LHCGR: variants seen among roughly 807,000 people sequenced by gnomAD.
The protein encoded by LHCGR is luteinizing hormone/choriogonadotropin receptor.
A neutral mutation model predicts 60.7 loss-of-function variants in LHCGR; 55 were observed. The observed-to-expected ratio is 0.91, with a 90% CI of 0.73 to 1.13. The LOEUF (loss-of-function observed/expected upper bound fraction) is 1.13, where lower values mean the gene tolerates loss of function less well. Ranked by LOEUF, LHCGR falls within the 50% of genes most tolerant of loss-of-function variation. The pLI, the probability that LHCGR is intolerant of heterozygous loss-of-function variation, is 0.00. For missense variants in LHCGR, 862 were observed against 836.0 expected (o/e 1.03, Z -0.38); for synonymous variants, 337 against 316.5 (o/e 1.06, Z -0.69).
intron 10 of LHCGR, among the ~76,000 whole-genome samples, chr2:48,693,044 C>G (rs936579092): frequency 6.6e-6 from 1 of 152,052 alleles, no homozygotes; most frequent in African/African-American, 2.4e-5. Flanking sequence ...TCAAACCACT[C>G]CTTGGTGCTA....
chr2:48,708,796 G>T, intron 8 of LHCGR, 152 bp downstream of exon 8: 1 of 745,516 alleles, frequency 1.3e-6, no homozygotes, highest in Non-Finnish European at 2.5e-6. Flanking sequence ...TATTATGGCA[G>T]CTGTGATACA....
At chr2:48,730,143 G>A (rs1386119998) in intron 2 of LHCGR, among the ~76,000 whole-genome samples, 1 of 152,216 alleles carries the variant, frequency 6.6e-6, no homozygotes, top group Non-Finnish European at 1.5e-5. Context: ...ACTGATGAGA[G>A]CATTAGCCCA....
intron 8 of LHCGR, among the ~76,000 whole-genome samples, chr2:48,704,501 T>C (rs1215216796): frequency 6.6e-6 from 1 of 152,252 alleles, no homozygotes; most frequent in African/African-American, 2.4e-5. Context: ...AGAATTCAGC[T>C]GTGAATCTGC....
chr2:48,748,657 G>A (rs1230326758), intron 1 of LHCGR, among the ~76,000 whole-genome samples: 2 of 152,188 alleles, frequency 1.3e-5, no homozygotes, highest in Non-Finnish European at 2.9e-5. Flanking sequence ...CATATGGGCT[G>A]TGGGTTTTTT....
At chr2:48,746,359 G>T (rs891497667) in intron 1 of LHCGR, among the ~76,000 whole-genome samples, 5 of 152,198 alleles carry the variant, frequency 3.3e-5, no homozygotes, top group South Asian at 2.1e-4. Flanking sequence ...ACTCTCAATT[G>T]GTATCTTTCT....
intron 8 of LHCGR, chr2:48,708,736 A>G (rs1322200861): frequency 9.8e-6 from 6 of 609,294 alleles, no homozygotes; most frequent in Non-Finnish European, 1.8e-5. Context: ...TAGCTTCCAG[A>G]ACCATAAGAC....
At chr2:48,704,758 C>T (rs1273061088) in intron 8 of LHCGR, among the ~76,000 whole-genome samples, 5 of 151,814 alleles carry the variant, frequency 3.3e-5, no homozygotes, top group South Asian at 2.1e-4. Context: ...TTTTTTATTG[C>T]GTCTATTTGA....
chr2:48,752,997 T>TGGGGGGGGG (rs1558909396), intron 1 of LHCGR, among the ~76,000 whole-genome samples: 6 of 18,432 alleles, frequency 3.3e-4, no homozygotes, highest in African/African-American at 1.8e-3. Flanking sequence ...GGGGGGGGGG[T>TGGGGGGGGG]GGGGAAGGGA....
intron 9 of LHCGR, among the ~76,000 whole-genome samples, chr2:48,695,343 AG>A (rs1161636316): frequency 1.3e-5 from 2 of 152,038 alleles, no homozygotes; most frequent in African/African-American, 4.8e-5. Context: ...ATTGCTTTTG[AG>A]GACTTAGCTA....
intron 1 of LHCGR, among the ~76,000 whole-genome samples, chr2:48,742,829 A>G (rs1342813129): frequency 1.3e-5 from 2 of 152,022 alleles, no homozygotes; most frequent in Non-Finnish European, 1.5e-5. Flanking sequence ...AGAAGGCAAG[A>G]AATAACTAAA....
intron 7 of LHCGR, among the ~76,000 whole-genome samples, chr2:48,709,647 G>A (rs1667881366): frequency 6.6e-6 from 1 of 152,146 alleles, no homozygotes; most frequent in African/African-American, 2.4e-5. Context: ...TGTGTGTCAT[G>A]GAAAAAGTGT....
chr2:48,714,093 C>T (rs1419806711), intron 6 of LHCGR, 39 bp from the exon 7 acceptor site: 2 of 1,434,350 alleles, frequency 1.4e-6, no homozygotes, highest in East Asian at 2.3e-5. Context: ...TGGGAAGAAA[C>T]TGAAAGAAAC....
chr2:48,713,033 A>G (rs753404946), intron 7 of LHCGR, among the ~76,000 whole-genome samples: 2 of 152,228 alleles, frequency 1.3e-5, no homozygotes, highest in African/African-American at 2.4e-5. Flanking sequence ...CCAACTTCAG[A>G]CTGACAGCAT....
In LHCGR at chr2:48,749,742, G is replaced by GA. The variant is rs200465331; in HGVS notation, c.161+5768dup. 4.7e-3 allele frequency among the ~76,000 whole-genome samples: 695 copies of GA among 147,016 alleles called. 20 individuals carry two copies. The highest frequency in any genetic ancestry group is 0.016 in the East Asian group (81 of 5,024). On this transcript the variant is annotated intron_variant, in intron 1 of 10. Coordinates refer to ENST00000294954, the MANE Select transcript of LHCGR (RefSeq NM_000233.4). ...AATTAAAAAAAAAAAAAAAAAAGAA[G>GA]AAAAACCCAAGGAATTACTACTCTC...
chr2:48,701,859 C>T (rs1442742292), intron 8 of LHCGR, among the ~76,000 whole-genome samples: 3 of 152,158 alleles, frequency 2.0e-5, no homozygotes, highest in Non-Finnish European at 2.9e-5. Context: ...TTACCCTGCT[C>T]ACCATTTTTC....
In LHCGR at chr2:48,689,172, C is replaced by T. The variant is rs148944035; in HGVS notation, c.948-323G>A. Among the ~76,000 whole-genome samples, 1,085 of 150,634 alleles carry T rather than the reference C, an allele frequency of 7.2e-3. 25 individuals are homozygous for T. The highest frequency in any genetic ancestry group is 0.024 in the African/African-American group (981 of 41,110). ...ATATACATATATACACACATATATA[C>T]ATATATACACACATATATATACTAT... On this transcript the variant is annotated intron_variant, in intron 10 of 10. Coordinates refer to ENST00000294954, the MANE Select transcript of LHCGR (RefSeq NM_000233.4).
At chr2:48,734,780 G>A (rs901592179) in intron 1 of LHCGR, among the ~76,000 whole-genome samples, 4 of 152,182 alleles carry the variant, frequency 2.6e-5, no homozygotes, top group Admixed American at 6.5e-5. Context: ...AGGAATGAAA[G>A]CTATGCATAA....
chr2:48,706,171 A>T (rs1030054017), intron 8 of LHCGR, among the ~76,000 whole-genome samples: 11 of 152,234 alleles, frequency 7.2e-5, no homozygotes, highest in African/African-American at 2.4e-4. Context: ...TTGGCTGGAT[A>T]TGAAATTCTG....
At chr2:48,722,365 A>T (rs1178767328) in intron 6 of LHCGR, among the ~76,000 whole-genome samples, 2 of 152,192 alleles carry the variant, frequency 1.3e-5, no homozygotes, top group Non-Finnish European at 2.9e-5. Context: ...CTGAGTTAGT[A>T]GGTCTGCGGT....
Sources: allele counts gnomAD v4.1 joint callset (sites outside exome capture counted in the v4.1 genomes callset), GRCh38; gene constraint gnomAD v4.1.1; transcripts MANE v1.5; gene names NCBI Gene and HGNC (gene_info 2026-07-23, HGNC 2026-07-21).